The following DLG2 variants were observed in gnomAD, a reference collection of about 807,000 sequenced individuals.
DLG2 encodes the protein disks large homolog 2.
In DLG2, 45 loss-of-function variants were observed where a neutral mutation model predicts 132.5. The ratio of observed to expected loss-of-function variants is 0.34; its 90% CI spans 0.27 to 0.44. The LOEUF is 0.44. DLG2 is among the 20% of genes least tolerant of loss of function. The pLI, the probability that DLG2 is intolerant of heterozygous loss-of-function variation, is 1.00. For synonymous variants in DLG2, 424 were observed against 419.6 expected (o/e 1.01, Z -0.13); for missense variants, 1,045 against 1,196.9 (o/e 0.87, Z 1.87).
chr11:83,485,733 C>CAAA (rs148788091), intron 21 of DLG2, among the ~76,000 whole-genome samples: 1 of 152,134 alleles, frequency 6.6e-6, no homozygotes, highest in Non-Finnish European at 1.5e-5. Flanking sequence ...TGAAGCTTGA[C>CAAA]AAAATGGTAT....
In DLG2 at chr11:83,605,376, G is replaced by T. The variant is rs116746743; in HGVS notation, c.1940+27835C>A. On this transcript the variant is annotated intron_variant, in intron 19 of 27. Transcript: ENST00000376104. ...CCACTCGGCAATGGTATTTAATAAC[G>T]TGGAGAAAAAAACAAAACACGTAAG... Among the ~76,000 whole-genome samples, 1,160 of 152,190 alleles carry T rather than the reference G, an allele frequency of 7.6e-3. 9 individuals are homozygous for T. Among genetic ancestry groups the T allele is most frequent in the African/African-American group, 0.027 (1,111 of 41,518 alleles).
chr11:85,278,673 C>T (rs565851374), intron 4 of DLG2, among the ~76,000 whole-genome samples: 29 of 152,242 alleles, frequency 1.9e-4, no homozygotes, highest in Admixed American at 5.9e-4. Context: ...TAAGCCTTTA[C>T]TCACATAGTT....
Position 83,707,635 on chromosome 11 carries a change from C to A in DLG2, c.1826-74310G>T, listed in dbSNP as rs112409416. 5.3e-3 allele frequency among the ~76,000 whole-genome samples: 804 copies of A among 152,322 alleles called. 14 individuals are homozygous for A. Among genetic ancestry groups the A allele is most frequent in the African/African-American group, 0.018 (758 of 41,576 alleles). On this transcript the variant is annotated intron_variant, in intron 18 of 27. Transcript: ENST00000376104. The stretch of plus-strand genomic sequence containing the variant: ...GCAGTGAGCTGAGGTGGTGCCACTG[C>A]ACTTCAGCCTGGACAACAGAGTGAG...
chr11:83,937,375 C>A (rs1044355431), intron 14 of DLG2, among the ~76,000 whole-genome samples: 1 of 151,642 alleles, frequency 6.6e-6, no homozygotes, highest in Admixed American at 6.6e-5. Flanking sequence ...GGCTTGGTGG[C>A]GGGTGCCTGT....
intron 6 of DLG2, among the ~76,000 whole-genome samples, chr11:84,810,036 T>C (rs2076395391): frequency 6.6e-6 from 1 of 151,934 alleles, no homozygotes; most frequent in South Asian, 2.1e-4. Context: ...TAAAATAAAA[T>C]CTCAACCTAA....
chr11:84,668,109 C>T (rs181029628), intron 6 of DLG2, among the ~76,000 whole-genome samples: 29 of 152,114 alleles, frequency 1.9e-4, no homozygotes, highest in South Asian at 6.2e-4. Flanking sequence ...AAGATAGTAA[C>T]GCCCATTTCG....
chr11:85,418,636 T>A (rs2090054385), intron 3 of DLG2, among the ~76,000 whole-genome samples: 1 of 152,186 alleles, frequency 6.6e-6, no homozygotes, highest in South Asian at 2.1e-4. Flanking sequence ...CTGTATTAGG[T>A]GTATATATAT....
chr11:84,057,683 G>A (rs2096526925), intron 11 of DLG2, among the ~76,000 whole-genome samples: 1 of 152,136 alleles, frequency 6.6e-6, no homozygotes, highest in Admixed American at 6.6e-5. Flanking sequence ...CAGATAACAT[G>A]CATATGTAGC....
chr11:84,114,502 G>A (rs894477108), intron 9 of DLG2, among the ~76,000 whole-genome samples: 1 of 152,134 alleles, frequency 6.6e-6, no homozygotes, highest in Non-Finnish European at 1.5e-5. Flanking sequence ...AGGGGAGGAT[G>A]GAGATGGATC....
chr11:84,207,124 A>G (rs932593343), intron 8 of DLG2, among the ~76,000 whole-genome samples: 3 of 151,630 alleles, frequency 2.0e-5, no homozygotes, highest in African/African-American at 7.3e-5. Context: ...CCTACACTGA[A>G]AATTACAAAA....
At chr11:83,851,619 C>T (rs1202636369) in intron 16 of DLG2, among the ~76,000 whole-genome samples, 1 of 142,862 alleles carries the variant, frequency 7.0e-6, no homozygotes, top group Non-Finnish European at 1.5e-5. Context: ...AAGAGTGAAA[C>T]TCGGTCTCAA....
At chr11:85,415,898 G>A (rs758584865) in intron 3 of DLG2, among the ~76,000 whole-genome samples, 1 of 151,916 alleles carries the variant, frequency 6.6e-6, no homozygotes, top group Non-Finnish European at 1.5e-5. Context: ...GTCACTTTTG[G>A]GTTTTGTTGC....
chr11:83,716,610 C>T (rs779747721), intron 18 of DLG2, among the ~76,000 whole-genome samples: 7 of 152,174 alleles, frequency 4.6e-5, no homozygotes, highest in Non-Finnish European at 1.0e-4. Context: ...AGTATTAGGT[C>T]ACTGTCACAG....
At chr11:85,545,990 T>C (rs910178256) in intron 3 of DLG2, among the ~76,000 whole-genome samples, 5 of 152,206 alleles carry the variant, frequency 3.3e-5, no homozygotes, top group African/African-American at 4.8e-5. Flanking sequence ...CTCTGTCTCC[T>C]TCAGTTCTGC....
chr11:84,400,046 T>C (rs1042887657), intron 7 of DLG2, among the ~76,000 whole-genome samples: 3 of 152,226 alleles, frequency 2.0e-5, no homozygotes, highest in Admixed American at 6.5e-5. Context: ...AATTCTGCTG[T>C]GTTTACCTAC....
intron 27 of DLG2, among the ~76,000 whole-genome samples, chr11:83,460,624 T>C (rs903476959): frequency 6.6e-6 from 1 of 152,248 alleles, no homozygotes; most frequent in African/African-American, 2.4e-5. Context: ...CATTTTATTG[T>C]CTCATTTGAA....
intron 8 of DLG2, among the ~76,000 whole-genome samples, chr11:84,222,205 TG>T (rs2096925812): frequency 6.6e-6 from 1 of 152,130 alleles, no homozygotes; most frequent in African/African-American, 2.4e-5. Flanking sequence ...GCTAATTTTT[TG>T]TATTTAGTAG....
chr11:84,551,379 C>G (rs1053297736), intron 6 of DLG2, among the ~76,000 whole-genome samples: 2 of 152,128 alleles, frequency 1.3e-5, no homozygotes, highest in Admixed American at 1.3e-4. Flanking sequence ...TTACTATACT[C>G]TTAAGATGTA....
intron 3 of DLG2, among the ~76,000 whole-genome samples, chr11:85,425,398 A>C (rs2090634590): frequency 6.6e-6 from 1 of 152,124 alleles, no homozygotes; most frequent in African/African-American, 2.4e-5. Context: ...CAAGGATATA[A>C]ATGGAAAATT....
Sources: gnomAD v4.1 joint callset for allele counts (sites outside exome capture counted in the v4.1 genomes callset) on GRCh38, gnomAD v4.1.1 for gene constraint, MANE v1.5 for transcripts, NCBI Gene and HGNC (gene_info 2026-07-23, HGNC 2026-07-21) for gene names.